The following TLL1 variants were observed in gnomAD, a reference collection of about 807,000 sequenced individuals.
TLL1 encodes the protein tolloid like 1.
In TLL1, 49 loss-of-function variants were observed where a neutral mutation model predicts 128.2. The ratio of observed to expected loss-of-function variants is 0.38; its 90% CI spans 0.30 to 0.48. The LOEUF (loss-of-function observed/expected upper bound fraction) is 0.48, where lower values mean the gene tolerates loss of function less well. Among genes scored for constraint, TLL1 ranks in the 20% least tolerant of loss-of-function variants. The probability of loss-of-function intolerance (pLI) is 0.96; values close to 1 mark genes in which losing one functional copy is unlikely to be tolerated. For synonymous variants in TLL1, 454 were observed against 418.8 expected (o/e 1.08, Z -1.03); for missense variants, 1,123 against 1,242.0 (o/e 0.90, Z 1.44).
chr4:166,043,913 G>C (rs1048239712), intron 12 of TLL1, among the ~76,000 whole-genome samples: 3 of 151,874 alleles, frequency 2.0e-5, no homozygotes, highest in African/African-American at 7.3e-5. Flanking sequence ...TATTCATCAG[G>C]GAGATCAGCA....
intron 12 of TLL1, among the ~76,000 whole-genome samples, chr4:166,044,164 G>C (rs1739359216): frequency 6.6e-6 from 1 of 152,150 alleles, no homozygotes; most frequent in Admixed American, 6.5e-5. Flanking sequence ...AGAACAATGA[G>C]ATGCAGGTGG....
chr4:166,059,073 A>C (rs1344619927), intron 14 of TLL1, among the ~76,000 whole-genome samples: 1 of 152,174 alleles, frequency 6.6e-6, no homozygotes, highest in African/African-American at 2.4e-5. Flanking sequence ...GAGACAATCA[A>C]AAAATAACAA....
intron 1 of TLL1, among the ~76,000 whole-genome samples, chr4:165,909,067 A>G (rs556472587): frequency 6.6e-6 from 1 of 152,174 alleles, no homozygotes; most frequent in Non-Finnish European, 1.5e-5. Context: ...TGTGCCTATA[A>G]TCCCATCTAC....
chr4:165,892,713 G>A (rs1167753945), intron 1 of TLL1, among the ~76,000 whole-genome samples: 2 of 152,188 alleles, frequency 1.3e-5, no homozygotes, highest in Admixed American at 6.5e-5. Context: ...AGGCAGGAAA[G>A]CAACCCTGAG....
chr4:166,057,748 G>A (rs1424430514), intron 14 of TLL1, among the ~76,000 whole-genome samples: 1 of 152,144 alleles, frequency 6.6e-6, no homozygotes, highest in Non-Finnish European at 1.5e-5. Flanking sequence ...GAGCCAGAAA[G>A]CATGTGCAGG....
intron 19 of TLL1, among the ~76,000 whole-genome samples, chr4:166,098,528 A>G (rs970566602): frequency 3.3e-5 from 5 of 152,086 alleles, no homozygotes; most frequent in African/African-American, 1.2e-4. Flanking sequence ...TTATTAATTT[A>G]TCTTTTTTAA....
intron 1 of TLL1, among the ~76,000 whole-genome samples, chr4:165,969,470 T>A (rs1041265216): frequency 2.6e-5 from 4 of 152,152 alleles, no homozygotes; most frequent in Non-Finnish European, 5.9e-5. Context: ...TAAGTATTTA[T>A]ACGTACACAC....
intron 1 of TLL1, among the ~76,000 whole-genome samples, chr4:165,926,937 C>G (rs1172624358): frequency 2.0e-5 from 3 of 151,706 alleles, no homozygotes; most frequent in East Asian, 1.9e-4. Context: ...CTCCTTTTTT[C>G]AAAAAACAGT....
rs371226600 is a variant in TLL1 at position 166,014,573 on chromosome 4, A to C, written c.1042+13A>C. 318 of 1,610,972 alleles carry C rather than the reference A, an allele frequency of 2.0e-4. No homozygotes were observed. Among genetic ancestry groups the C allele is most frequent in the Non-Finnish European group, 2.7e-4 (315 of 1,178,084 alleles). ...TATAGATGTCCAGGTATTGCACTAC[A>C]CAAACACAAGAGCATGACTGTACTT... On this transcript the variant is annotated intron_variant, in intron 8 of 20. Coordinates refer to ENST00000061240, the MANE Select transcript of TLL1 (RefSeq NM_012464.5).
At chr4:166,093,376 C>T (rs1239339130) in intron 19 of TLL1, among the ~76,000 whole-genome samples, 1 of 152,118 alleles carries the variant, frequency 6.6e-6, no homozygotes, top group Non-Finnish European at 1.5e-5. Context: ...AGGTACTATG[C>T]CTGGATGTGC....
intron 9 of TLL1, among the ~76,000 whole-genome samples, chr4:166,038,154 C>G (rs569062940): frequency 2.0e-5 from 3 of 152,156 alleles, no homozygotes; most frequent in Non-Finnish European, 4.4e-5. Context: ...ATTGGTAATA[C>G]TTCTCTAGAA....
chr4:166,044,520 AAT>A lies in TLL1; in HGVS notation c.1524+1107_1524+1108del, dbSNP rs560075410. The A allele has an allele frequency of 1.2e-3, 1,353 of 1,125,154 alleles. 6 individuals carry two copies. Among genetic ancestry groups the A allele is most frequent in the South Asian group, 5.5e-3 (385 of 69,986 alleles). The allele number at this position is 1,125,154 out of a possible 1,614,324, so 69.7% of individuals were successfully genotyped here. A position where few individuals can be genotyped will look rare whatever the true frequency, so the allele number is the denominator to read the frequency against. On this transcript the variant is annotated intron_variant, in intron 12 of 20. Transcript: ENST00000061240. ...ATGTATTTCCTTTTGTTACCAAAAA[AAT>A]ATATACTTTCTACTTTAATCATTAT... is the stretch of plus-strand genomic sequence containing the variant.
At position 166,053,682 on chromosome 4, in the gene TLL1, C is replaced by T. The variant is rs189972989; in HGVS notation, c.1525-1394C>T. Among the ~76,000 whole-genome samples the T allele has an allele frequency of 5.1e-3, 780 of 152,230 alleles. 3 individuals are homozygous for T. The highest frequency in any genetic ancestry group is 7.2e-3 in the Non-Finnish European group (488 of 68,020). On this transcript the variant is annotated intron_variant, in intron 12 of 20. Coordinates refer to ENST00000061240, the MANE Select transcript of TLL1 (RefSeq NM_012464.5). ...TACCAACTATACTGGCAGTTTCATG[C>T]GTTCAAGTTGCAGTTCCATGGACAT...
intron 6 of TLL1, among the ~76,000 whole-genome samples, chr4:166,004,090 C>G (rs1028548026): frequency 2.6e-5 from 4 of 151,912 alleles, no homozygotes; most frequent in Non-Finnish European, 1.5e-5. Context: ...CTTGACTACC[C>G]TAAAGACAAA....
At chr4:166,078,369 C>T (rs547814913) in intron 18 of TLL1, among the ~76,000 whole-genome samples, 1 of 152,190 alleles carries the variant, frequency 6.6e-6, no homozygotes, top group Admixed American at 6.5e-5. Context: ...CGGAATTTGC[C>T]AGAAAGCGAT....
chr4:165,944,916 C>T (rs1031123806), intron 1 of TLL1, among the ~76,000 whole-genome samples: 10 of 151,904 alleles, frequency 6.6e-5, no homozygotes, highest in African/African-American at 1.9e-4. Context: ...ATATGGGAGT[C>T]GGTAACTCAG....
chr4:165,990,585 A>ATGTGTGTGTGTGT (rs1261046262), intron 2 of TLL1, among the ~76,000 whole-genome samples: 20 of 151,576 alleles, frequency 1.3e-4, no homozygotes, highest in African/African-American at 4.6e-4. Context: ...TTTTCACTGA[A>ATGTGTGTGTGTGT]TGTGTGTGTG....
intron 17 of TLL1, among the ~76,000 whole-genome samples, chr4:166,075,552 AT>A (rs1438903673): frequency 6.6e-6 from 1 of 152,168 alleles, no homozygotes; most frequent in African/African-American, 2.4e-5. Context: ...ACCCTACCAG[AT>A]TTCGTCCCCA....
intron 1 of TLL1, among the ~76,000 whole-genome samples, chr4:165,960,016 C>A (rs1455086301): frequency 6.6e-6 from 1 of 151,620 alleles, no homozygotes; most frequent in Non-Finnish European, 1.5e-5. Context: ...AAATAAAGAC[C>A]CAAAAATCCA....
Sources: allele counts gnomAD v4.1 joint callset (sites outside exome capture counted in the v4.1 genomes callset), GRCh38; gene constraint gnomAD v4.1.1; transcripts MANE v1.5; gene names NCBI Gene and HGNC (gene_info 2026-07-23, HGNC 2026-07-21).